Variants in USP50 observed in about 807,000 individuals in gnomAD.
The protein encoded by USP50 is ubiquitin specific peptidase 50, also known as ubiquitin carboxyl-terminal hydrolase 50.
A neutral mutation model predicts 39.2 loss-of-function variants in USP50; 37 were observed. The ratio of observed to expected loss-of-function variants is 0.94; its 90% CI spans 0.73 to 1.24. The LOEUF (loss-of-function observed/expected upper bound fraction) is 1.24. Among genes scored for constraint, USP50 ranks in the 50% most tolerant of loss-of-function variants. USP50 has a pLI of 0.00. For missense variants in USP50, 374 were observed against 398.2 expected (o/e 0.94, Z 0.52); for synonymous variants, 139 against 144.5 (o/e 0.96, Z 0.27).
At chr15:50,493,164 G>A (rs1416439015), downstream of USP50, 1 of 572,108 alleles carries the variant, frequency 1.7e-6, no homozygotes, top group Non-Finnish European at 3.3e-6. Context: ...GACTCGTCCT[G>A]TCGAGCCCTA....
intron 6 of USP50, among the ~76,000 whole-genome samples, chr15:50,528,918 G>A (rs1292393001): frequency 3.3e-5 from 5 of 152,222 alleles, no homozygotes; most frequent in Admixed American, 2.0e-4. Context: ...GGACCTCCAG[G>A]TACAATTTGA....
chr15:50,532,247 G>T (rs2052946972), intron 5 of USP50: 1 of 456,104 alleles, frequency 2.2e-6, no homozygotes, highest in Non-Finnish European at 4.4e-6. Flanking sequence ...AGAAGGGAAA[G>T]AAACCATTCT....
chr15:50,527,381 G>A (rs71394999), intron 6 of USP50, among the ~76,000 whole-genome samples: 12,127 of 151,078 alleles, frequency 0.08, 547 homozygotes, highest in South Asian at 0.12. Flanking sequence ...ATTTTTTTTT[G>A]TATTTTTAGT....
chr15:50,546,218 G>C (rs1364185396), intron 1 of USP50, among the ~76,000 whole-genome samples: 1 of 152,102 alleles, frequency 6.6e-6, no homozygotes. Context: ...AGTTTGAAAA[G>C]TGTTCACTGT....
chr15:50,544,451 G>A (rs994582776), intron 2 of USP50, 136 bp downstream of exon 2: 15 of 690,288 alleles, frequency 2.2e-5, no homozygotes, highest in Admixed American at 1.3e-4. Flanking sequence ...TTACTCTAGC[G>A]TGTTATCTGG....
intron 5 of USP50, among the ~76,000 whole-genome samples, chr15:50,537,042 A>G (rs892333309): frequency 4.6e-5 from 7 of 152,216 alleles, no homozygotes; most frequent in African/African-American, 1.4e-4. Flanking sequence ...TTCAAAACTT[A>G]TTTTAAAACC....
chr15:50,498,849 T>A, downstream of USP50: 3 of 1,556,744 alleles, frequency 1.9e-6, no homozygotes, highest in East Asian at 6.8e-5. Context: ...ATTGGCGTAT[T>A]TTAAATAACA....
At chr15:50,537,181 T>C (rs2052986058) in intron 5 of USP50, among the ~76,000 whole-genome samples, 1 of 151,388 alleles carries the variant, frequency 6.6e-6, no homozygotes, top group Non-Finnish European at 1.5e-5. Context: ...GGTAATACAA[T>C]GGAGAAAAGA....
intron 6 of USP50, among the ~76,000 whole-genome samples, chr15:50,526,378 C>T (rs1234117358): frequency 6.6e-6 from 1 of 152,072 alleles, no homozygotes; most frequent in African/African-American, 2.4e-5. Flanking sequence ...ATTTCTTTAC[C>T]TAGGTGGCAA....
At chr15:50,531,218 C>T (rs2052938042) in intron 5 of USP50, among the ~76,000 whole-genome samples, 1 of 152,150 alleles carries the variant, frequency 6.6e-6, no homozygotes, top group Non-Finnish European at 1.5e-5. Flanking sequence ...ACCTAGGTAT[C>T]ATCCCAAGAG....
In USP50 at chr15:50,541,256, G is replaced by A; in HGVS notation, c.453C>T (p.Tyr151=). ...ELHEALKKYH[Y]SRRRSYEKGS... Reference sequence around the variant, plus strand: ...CTTTCTCATATGATCTTCTCCGGGAGTAGTGGTACTGAATCAAGGAGCAAA... The same window carrying A: ...CTTTCTCATATGATCTTCTCCGGGAATAGTGGTACTGAATCAAGGAGCAAA... The change falls in exon 4 of 7, where the codon TAC becomes TAT. Residue 151 remains tyrosine (Y), a synonymous_variant. Transcript: ENST00000532404. The A allele has an allele frequency of 6.2e-7, 1 of 1,613,234 alleles. No homozygotes were observed. The highest frequency in any genetic ancestry group is 8.5e-7 in the Non-Finnish European group (1 of 1,179,568).
intron 4 of USP50, among the ~76,000 whole-genome samples, chr15:50,540,073 G>C (rs2053016440): frequency 1.3e-5 from 2 of 152,180 alleles, no homozygotes; most frequent in Non-Finnish European, 2.9e-5. Context: ...ATTCTGGTAG[G>C]TAAAACTTTT....
chr15:50,497,724 G>A (rs2052472178), downstream of USP50: 1 of 152,136 alleles, frequency 6.6e-6, no homozygotes, highest in Admixed American at 6.5e-5. Flanking sequence ...AATGACAAGA[G>A]TTATAAAACA....
chr15:50,499,554 T>C (rs371669560), downstream of USP50: 11 of 152,364 alleles, frequency 7.2e-5, no homozygotes, highest in East Asian at 1.2e-3. Flanking sequence ...CGTGGTCCTT[T>C]TGTGAAACCT....
downstream of USP50, chr15:50,493,820 G>A (rs763371850): frequency 9.5e-6 from 6 of 629,462 alleles, no homozygotes; most frequent in East Asian, 1.3e-4. Flanking sequence ...GCAGAACCTC[G>A]CTGTCATGAA....
downstream of USP50, among the ~76,000 whole-genome samples, chr15:50,496,311 C>A (rs1435807122): frequency 1.3e-5 from 2 of 152,070 alleles, no homozygotes; most frequent in East Asian, 1.9e-4. Context: ...GAAACCCCAT[C>A]TCTACTAAAA....
rs761443665 is a variant in USP50 at position 50,544,549 on chromosome 15, G to C, written c.248+38C>G. 13 of 1,573,276 alleles carry C rather than the reference G, an allele frequency of 8.3e-6. No homozygotes were observed. In the South Asian group the frequency reaches 1.5e-4, roughly 18 times the overall value. ...CTAACCTCATCTGTGGGGAAGTGGG[G>C]GTGGGGGCTGGGCTGCAGGGAATGC... On this transcript the variant is annotated intron_variant, in intron 2 of 6. Coordinates refer to ENST00000532404, the MANE Select transcript of USP50 (RefSeq NM_203494.5).
intron 1 of USP50, among the ~76,000 whole-genome samples, chr15:50,545,663 A>G (rs1375722155): frequency 6.6e-6 from 1 of 151,956 alleles, no homozygotes; most frequent in Non-Finnish European, 1.5e-5. Flanking sequence ...ACATATGTGT[A>G]TATGTGTATG....
At chr15:50,543,495 C>A (rs920403800) in intron 3 of USP50, 103 bp downstream of exon 3, 28 of 1,189,954 alleles carry the variant, frequency 2.4e-5, no homozygotes, top group Admixed American at 8.4e-5. Context: ...CAGTGCTTGG[C>A]ACAAAGTAGA....
Sources: allele counts gnomAD v4.1 joint callset (sites outside exome capture counted in the v4.1 genomes callset), GRCh38; gene constraint gnomAD v4.1.1; transcripts MANE v1.5; gene names NCBI Gene and HGNC (gene_info 2026-07-23, HGNC 2026-07-21).